Variants in WDPCP observed in about 807,000 individuals in gnomAD.
The protein encoded by WDPCP is WD repeat containing planar cell polarity effector, also known as WD repeat-containing and planar cell polarity effector protein fritz homolog.
WDPCP carries 71 observed loss-of-function variants against 93.1 expected under a neutral mutation model. The observed-to-expected ratio is 0.76, with a 90% CI of 0.63 to 0.93. The LOEUF (loss-of-function observed/expected upper bound fraction) is 0.93. WDPCP is among the 40% of genes least tolerant of loss of function. WDPCP has a pLI of 0.00. For synonymous variants in WDPCP, 315 were observed against 315.0 expected, an observed-to-expected ratio of 1.00 and a Z score of 0.00; for missense variants, 844 against 887.4, an observed-to-expected ratio of 0.95 and a Z score of 0.62.
chr2:63,267,740 A>AC (rs201864229), intron 13 of WDPCP, among the ~76,000 whole-genome samples: 2,956 of 152,226 alleles, frequency 0.019, 105 homozygotes, highest in African/African-American at 0.068. Context: ...ATCTCTAATC[A>AC]CCAAGGAAAC....
chr2:63,344,455 G>C (rs562332377), intron 12 of WDPCP, among the ~76,000 whole-genome samples: 1 of 152,158 alleles, frequency 6.6e-6, no homozygotes, highest in Admixed American at 6.6e-5. Flanking sequence ...GTCCTCCAGA[G>C]GTGTAAACCC....
chr2:63,355,723 T>C (rs966163243), intron 12 of WDPCP, among the ~76,000 whole-genome samples: 1 of 151,974 alleles, frequency 6.6e-6, no homozygotes. Flanking sequence ...CCCCCATCTC[T>C]ACTGAAATAT....
At chr2:63,681,431 G>A (rs765171971) in intron 2 of WDPCP, among the ~76,000 whole-genome samples, 5 of 152,188 alleles carry the variant, frequency 3.3e-5, no homozygotes, top group East Asian at 1.9e-4. Flanking sequence ...CTATGGTGGT[G>A]GTGGTCATGG....
At chr2:63,184,993 A>G (rs192490163) in intron 14 of WDPCP, among the ~76,000 whole-genome samples, 1 of 152,098 alleles carries the variant, frequency 6.6e-6, no homozygotes, top group East Asian at 1.9e-4. Flanking sequence ...CTAGTCAGTT[A>G]TTGACCCTTT....
At chr2:63,789,950 G>A (rs1348085708) in intron 2 of WDPCP, among the ~76,000 whole-genome samples, 1 of 152,166 alleles carries the variant, frequency 6.6e-6, no homozygotes, top group Non-Finnish European at 1.5e-5. Flanking sequence ...ATTAGCATGT[G>A]AATTGTGAAT....
At chr2:63,415,751 G>A (rs1408517836) in intron 9 of WDPCP, among the ~76,000 whole-genome samples, 1 of 152,192 alleles carries the variant, frequency 6.6e-6, no homozygotes, top group Non-Finnish European at 1.5e-5. Flanking sequence ...AGGGCACTGG[G>A]AACCTTAAGT....
chr2:63,235,014 A>G (rs1679260432), intron 14 of WDPCP, among the ~76,000 whole-genome samples: 1 of 152,196 alleles, frequency 6.6e-6, no homozygotes, highest in South Asian at 2.1e-4. Context: ...GAGCAGAACT[A>G]AAGAAACTGA....
At chr2:63,463,144 A>G (rs532247504) in intron 6 of WDPCP, among the ~76,000 whole-genome samples, 11 of 151,636 alleles carry the variant, frequency 7.3e-5, no homozygotes, top group Non-Finnish European at 1.5e-4. Flanking sequence ...GAACACTGAA[A>G]GAACCAAAAA....
chr2:63,524,501 G>A (rs144151767), intron 1 of WDPCP, among the ~76,000 whole-genome samples: 11 of 152,176 alleles, frequency 7.2e-5, no homozygotes, highest in African/African-American at 2.7e-4. Context: ...AAGCAATGGG[G>A]AAAGGACTCC....
At chr2:63,131,691 C>G (rs925793186) in intron 17 of WDPCP, among the ~76,000 whole-genome samples, 2 of 151,866 alleles carry the variant, frequency 1.3e-5, no homozygotes, top group African/African-American at 4.8e-5. Flanking sequence ...GTATAGCTGT[C>G]TAGTATCTTT....
intron 2 of WDPCP, among the ~76,000 whole-genome samples, chr2:63,806,728 GC>G (rs937033335): frequency 6.6e-6 from 1 of 152,162 alleles, no homozygotes; most frequent in Non-Finnish European, 1.5e-5. Context: ...GATGTTCCAT[GC>G]TGAGAAAAAG....
At chr2:63,808,036 C>A (rs531295637) in intron 2 of WDPCP, among the ~76,000 whole-genome samples, 1 of 152,230 alleles carries the variant, frequency 6.6e-6, no homozygotes, top group South Asian at 2.1e-4. Context: ...AGAGTGACTA[C>A]ATAAAATCTG....
At chr2:63,212,290 A>T (rs529281621) in intron 14 of WDPCP, among the ~76,000 whole-genome samples, 16 of 152,248 alleles carry the variant, frequency 1.1e-4, no homozygotes, top group Non-Finnish European at 2.2e-4. Context: ...TCTACAAGCC[A>T]GAAGAGAGTG....
chr2:63,385,647 T>C (rs957812280), intron 10 of WDPCP, among the ~76,000 whole-genome samples: 1 of 152,178 alleles, frequency 6.6e-6, no homozygotes, highest in Admixed American at 6.6e-5. Context: ...GTACTACTTT[T>C]ATGGATTAGG....
intron 1 of WDPCP, among the ~76,000 whole-genome samples, chr2:63,532,942 A>C (rs929270624): frequency 2.0e-5 from 3 of 152,206 alleles, no homozygotes; most frequent in Non-Finnish European, 4.4e-5. Context: ...AAGACCCACC[A>C]GTGTGCTGTA....
Position 63,433,874 on chromosome 2 carries a change from G to A in WDPCP, c.696C>T (p.Asn232=), listed in dbSNP as rs745872314. 1 of 1,613,992 alleles carries A rather than the reference G, an allele frequency of 6.2e-7. No homozygotes were observed. Among genetic ancestry groups the A allele is most frequent in the South Asian group, 1.1e-5 (1 of 91,076 alleles). Residue 232 remains asparagine (N), a synonymous_variant, in exon 9 of 18, where the codon AAC becomes AAT. Transcript: ENST00000272321. ...AGCAAACAACTCTATCATGAACACA[G>A]TTGATAGCTAGATGTCGCTCTGTTG... ...NKTTERHLAI[N]CVHDRVVCWW... is the part of the protein sequence containing the mutation.
chr2:63,433,638 AC>A, intron 9 of WDPCP, 106 bp downstream of exon 9: 4 of 1,186,452 alleles, frequency 3.4e-6, no homozygotes, highest in Non-Finnish European at 3.5e-6. Flanking sequence ...TATTTGAAAA[AC>A]ATAAATTATA....
At chr2:63,156,110 C>T (rs1672231289) in intron 15 of WDPCP, among the ~76,000 whole-genome samples, 1 of 152,108 alleles carries the variant, frequency 6.6e-6, no homozygotes, top group Admixed American at 6.5e-5. Context: ...AGCGATTCTC[C>T]TGCCTCAGCC....
At chr2:63,447,954 T>C (rs1161671484) in intron 6 of WDPCP, among the ~76,000 whole-genome samples, 1 of 152,188 alleles carries the variant, frequency 6.6e-6, no homozygotes, top group Non-Finnish European at 1.5e-5. Flanking sequence ...ACTATATATC[T>C]ATTTGTATAC....
Sources: gnomAD v4.1 joint callset for allele counts (sites outside exome capture counted in the v4.1 genomes callset) on GRCh38, gnomAD v4.1.1 for gene constraint, MANE v1.5 for transcripts, NCBI Gene and HGNC (gene_info 2026-07-23, HGNC 2026-07-21) for gene names.